Variants in LPP observed in about 807,000 individuals in gnomAD.
LPP encodes the protein LIM domain containing preferred translocation partner in lipoma.
In LPP, 38 loss-of-function variants were observed where a neutral mutation model predicts 60.4. The ratio of observed to expected loss-of-function variants is 0.63; its 90% confidence interval spans 0.49 to 0.83. LPP has a LOEUF of 0.83. Ranked by LOEUF, LPP falls within the 40% of genes least tolerant of loss-of-function variation. The pLI, the probability that LPP is intolerant of heterozygous loss-of-function variation, is 0.00. For missense variants in LPP, 902 were observed against 783.6 expected, an observed-to-expected ratio of 1.15 and a Z score of -1.80; for synonymous variants, 328 against 290.8, an observed-to-expected ratio of 1.13 and a Z score of -1.30.
chr3:188,273,589 C>CTTTTTTTTT (rs11380757), intron 2 of LPP, among the ~76,000 whole-genome samples: 32 of 80,434 alleles, frequency 4.0e-4, no homozygotes, highest in Non-Finnish European at 4.9e-4. Context: ...TATTTTATAT[C>CTTTTTTTTT]TTTTTTTTTT....
intron 2 of LPP, among the ~76,000 whole-genome samples, chr3:188,307,600 C>T (rs905231219): frequency 1.2e-4 from 18 of 152,124 alleles, no homozygotes; most frequent in African/African-American, 3.4e-4. Context: ...GCTCCGTGAG[C>T]GCCAGGATTT....
intron 7 of LPP, among the ~76,000 whole-genome samples, chr3:188,654,518 T>A (rs1024385982): frequency 3.9e-5 from 6 of 152,162 alleles, no homozygotes; most frequent in African/African-American, 9.7e-5. Flanking sequence ...GACAATTAAC[T>A]CTTTTTCTCT....
intron 3 of LPP, among the ~76,000 whole-genome samples, chr3:188,358,947 G>A (rs550994085): frequency 6.6e-6 from 1 of 152,306 alleles, no homozygotes; most frequent in Non-Finnish European, 1.5e-5. Flanking sequence ...ATTAGGTGCT[G>A]ACAGTGCGTG....
chr3:188,778,170 G>C (rs1032718366), intron 9 of LPP, among the ~76,000 whole-genome samples: 36 of 152,146 alleles, frequency 2.4e-4, no homozygotes, highest in African/African-American at 8.2e-4. Context: ...GTACAATTCA[G>C]TAGCAAAGAA....
At chr3:188,821,514 TAA>T (rs1323376447) in intron 9 of LPP, among the ~76,000 whole-genome samples, 8 of 152,094 alleles carry the variant, frequency 5.3e-5, no homozygotes, top group Admixed American at 2.6e-4. Flanking sequence ...TAATTTATTA[TAA>T]GTCACTCTTA....
rs1949148 is a variant in LPP, at chr3:188,888,951, G to A, written c.*14472G>A. ...GCTTTATGGCATTGAAACATTTAGG[G>A]AAAAAAAAGATGTTTAAGAGAATTA... On this transcript the variant is annotated 3_prime_UTR_variant, in exon 12 of 12. Coordinates refer to ENST00000617246, the MANE Select transcript of LPP (RefSeq NM_001375462.1). The A allele has an allele frequency of 0.97, 203,256 of 209,392 alleles. 98,658 individuals are homozygous for A. Among genetic ancestry groups the A allele is most frequent in the East Asian group, 0.98 (13,509 of 13,840 alleles). The allele number at this position is 209,392 out of a possible 1,614,324, so 13.0% of individuals were successfully genotyped here.
chr3:188,363,095 A>G (rs371831334), intron 3 of LPP, among the ~76,000 whole-genome samples: 1 of 151,896 alleles, frequency 6.6e-6, no homozygotes, highest in South Asian at 2.1e-4. Flanking sequence ...TTAGCAGGGC[A>G]TGAAATTAAA....
At chr3:188,256,819 G>A (rs996845729) in intron 2 of LPP, among the ~76,000 whole-genome samples, 2 of 152,228 alleles carry the variant, frequency 1.3e-5, no homozygotes, top group African/African-American at 4.8e-5. Flanking sequence ...GGTAATGGGT[G>A]CATATCTATC....
At chr3:188,852,634 G>A (rs1246235387) in intron 9 of LPP, among the ~76,000 whole-genome samples, 1 of 152,096 alleles carries the variant, frequency 6.6e-6, no homozygotes, top group Non-Finnish European at 1.5e-5. Flanking sequence ...TCTGCCTTCT[G>A]CCCTGGAATG....
chr3:188,497,486 T>C (rs926582524), intron 5 of LPP, among the ~76,000 whole-genome samples: 1 of 152,178 alleles, frequency 6.6e-6, no homozygotes, highest in African/African-American at 2.4e-5. Context: ...ATTGCATAAC[T>C]TTTAAATTGT....
chr3:188,815,042 C>T (rs10937370), intron 9 of LPP, among the ~76,000 whole-genome samples: 37,294 of 152,034 alleles, frequency 0.25, 6,100 homozygotes, highest in East Asian at 0.8. Context: ...CAGTGCTTCG[C>T]GCACAATAAA....
intron 6 of LPP, among the ~76,000 whole-genome samples, chr3:188,566,904 A>G (rs1463248861): frequency 1.3e-5 from 2 of 151,910 alleles, no homozygotes; most frequent in Non-Finnish European, 2.9e-5. Flanking sequence ...CAGAAAACAG[A>G]TAAATGAAAG....
rs1769816154 is a variant in LPP, at chr3:188,880,356, G to A, written c.*5877G>A. ...TGTTTTTTTCTTTAGCTGATTGACA[G>A]GTCCCCTTCAAAGTTACAAAAAAAA... On this transcript the variant is annotated 3_prime_UTR_variant, in exon 12 of 12. Transcript: ENST00000617246. The A allele has an allele frequency of 5.5e-6, 1 of 181,986 alleles. No homozygotes were observed. The highest frequency in any genetic ancestry group is 2.4e-5 in the African/African-American group (1 of 42,446). 11.3% of individuals were successfully genotyped at this position (181,986 alleles called of 1,614,324 possible).
chr3:188,585,814 A>G (rs1308616157), intron 6 of LPP, among the ~76,000 whole-genome samples: 1 of 152,262 alleles, frequency 6.6e-6, no homozygotes, highest in African/African-American at 2.4e-5. Context: ...TGTTTGAAAT[A>G]TATGCAAACA....
At chr3:188,476,366 G>C (rs900310968) in intron 4 of LPP, among the ~76,000 whole-genome samples, 1 of 152,146 alleles carries the variant, frequency 6.6e-6, no homozygotes, top group Non-Finnish European at 1.5e-5. Context: ...TTTTCAACCA[G>C]TACCCTGTTA....
chr3:188,379,924 C>T (rs537170175), intron 3 of LPP, among the ~76,000 whole-genome samples: 1 of 152,128 alleles, frequency 6.6e-6, no homozygotes, highest in East Asian at 1.9e-4. Context: ...GGGAATGTTA[C>T]AGGAATTGAA....
chr3:188,350,416 A>T (rs1392651474), intron 3 of LPP, among the ~76,000 whole-genome samples: 1 of 152,244 alleles, frequency 6.6e-6, no homozygotes, highest in Non-Finnish European at 1.5e-5. Context: ...AGTCTCTGTC[A>T]GGCAAAAACC....
intron 5 of LPP, among the ~76,000 whole-genome samples, chr3:188,517,230 C>T (rs536066291): frequency 1.3e-5 from 2 of 152,288 alleles, no homozygotes; most frequent in East Asian, 3.9e-4. Context: ...ACAGGTATTA[C>T]AGCCTGACTC....
intron 7 of LPP, among the ~76,000 whole-genome samples, chr3:188,658,704 A>G (rs1239824745): frequency 1.3e-5 from 2 of 152,052 alleles, no homozygotes; most frequent in African/African-American, 2.4e-5. Flanking sequence ...AGAGCTTCCT[A>G]CTCTGGGAAG....
Sources: allele counts gnomAD v4.1 joint callset (sites outside exome capture counted in the v4.1 genomes callset), GRCh38; gene constraint gnomAD v4.1.1; transcripts MANE v1.5; gene names NCBI Gene and HGNC (gene_info 2026-07-23, HGNC 2026-07-21).